TRABD2B: variants seen among roughly 807,000 people sequenced by gnomAD.
TRABD2B encodes metalloprotease TIKI2.
Under a neutral mutation model 40.1 loss-of-function variants are expected in TRABD2B, and 14 were observed. The observed-to-expected ratio is 0.35, with a 90% confidence interval of 0.23 to 0.55. The LOEUF is 0.55. TRABD2B is among the 20% of genes least tolerant of loss of function. The pLI, the probability that TRABD2B is intolerant of heterozygous loss-of-function variation, is 0.90. For missense variants in TRABD2B, 541 were observed against 648.6 expected (o/e 0.83, Z 1.80); for synonymous variants, 263 against 277.0 (o/e 0.95, Z 0.50).
rs540274500 is a variant in TRABD2B at position 47,944,233 on chromosome 1, G to A, written c.666+49801C>T. ...AGCAGGGGGAATGGCAGAAGAGTTG[G>A]ATCCAGCTAGGTCCTATGAAAAGAG... On this transcript the variant is annotated intron_variant, in intron 2 of 6. Transcript: ENST00000606738. Among the ~76,000 whole-genome samples the A allele has an allele frequency of 4.6e-4, 70 of 152,306 alleles. No individual in the cohort carries two copies. In the South Asian group the frequency reaches 7.3e-3, roughly 16 times the overall value.
intron 5 of TRABD2B, among the ~76,000 whole-genome samples, chr1:47,776,681 G>A (rs1330799773): frequency 5.9e-5 from 9 of 152,164 alleles, no homozygotes. Context: ...ATGGTTTCAG[G>A]AATTGTGGCT....
chr1:47,992,139 C>A (rs1038563168), intron 2 of TRABD2B, among the ~76,000 whole-genome samples: 1 of 152,272 alleles, frequency 6.6e-6, no homozygotes, highest in East Asian at 1.9e-4. Flanking sequence ...TTTTGAGGAG[C>A]TGGACCAAAG....
chr1:47,840,573 AGGCCT>A (rs1645382767), intron 2 of TRABD2B, among the ~76,000 whole-genome samples: 2 of 152,232 alleles, frequency 1.3e-5, no homozygotes, highest in Non-Finnish European at 1.5e-5. Flanking sequence ...AATTAATGAC[AGGCCT>A]GTCTTCAGGG....
rs768251114 is a variant in TRABD2B, at chr1:47,801,485, G to A, written c.801C>T (p.His267=). The A allele has an allele frequency of 6.4e-5, 98 of 1,536,010 alleles. No individual in the cohort carries two copies. Among genetic ancestry groups the A allele is most frequent in the Middle Eastern group, 1.7e-4 (1 of 5,990 alleles). The part of the protein sequence containing the change: ...CGDLSAVIFN[H]DTSQLPNFIN... Reference sequence around the variant, plus strand: ...AGAGGAGCCTCACCTGGGATGTGTCGTGGTTGAAGATGACTGCGCTGAGGT... The same window carrying A: ...AGAGGAGCCTCACCTGGGATGTGTCATGGTTGAAGATGACTGCGCTGAGGT... The change falls in exon 3 of 7, where the codon CAC becomes CAT. Residue 267 remains histidine (H), a synonymous_variant. Transcript: ENST00000606738.
chr1:47,839,174 G>T (rs1401414741), intron 2 of TRABD2B, among the ~76,000 whole-genome samples: 1 of 152,132 alleles, frequency 6.6e-6, no homozygotes, highest in African/African-American at 2.4e-5. Context: ...AATGGAGTAA[G>T]CGTTACCCGA....
chr1:47,925,910 T>C lies in TRABD2B; in HGVS notation c.666+68124A>G, dbSNP rs540511355. On this transcript the variant is annotated intron_variant, in intron 2 of 6. Coordinates refer to ENST00000606738, the MANE Select transcript of TRABD2B (RefSeq NM_001194986.2). ...AGGCTGGTATATATCTTCCTTTATT[T>C]ATATCTTTATTTTCTTTCAATACAT... Among the ~76,000 whole-genome samples, 31 of 152,354 alleles carry C rather than the reference T, an allele frequency of 2.0e-4. 1 individual carries two copies. In the South Asian group the frequency reaches 6.0e-3, roughly 30 times the overall value.
chr1:47,872,975 G>A (rs1266775747), intron 2 of TRABD2B, among the ~76,000 whole-genome samples: 1 of 152,178 alleles, frequency 6.6e-6, no homozygotes, highest in Non-Finnish European at 1.5e-5. Flanking sequence ...AGGCTGGGAA[G>A]TTTAGATCAA....
rs370700718 is a variant in TRABD2B, at chr1:47,859,831, T to A, written c.667-58212A>T. Among the ~76,000 whole-genome samples, 13 of 152,326 alleles carry A rather than the reference T, an allele frequency of 8.5e-5. No homozygotes were observed. The East Asian group carries it at 2.5e-3, about 29-fold the overall frequency. On this transcript the variant is annotated intron_variant, in intron 2 of 6. Coordinates refer to ENST00000606738, the MANE Select transcript of TRABD2B (RefSeq NM_001194986.2). ...AGGGCTGACGTCATTCTATTTTGTATAATAATGATCACTCCTCACATCGAC... is the reference window on the plus strand; with the variant it reads ...AGGGCTGACGTCATTCTATTTTGTAAAATAATGATCACTCCTCACATCGAC...
intron 2 of TRABD2B, among the ~76,000 whole-genome samples, chr1:47,929,965 C>T (rs1170099232): frequency 6.6e-6 from 1 of 152,198 alleles, no homozygotes; most frequent in Admixed American, 6.5e-5. Flanking sequence ...GAGGTGGTTA[C>T]GTGCATACCT....
chr1:47,881,910 G>A (rs897177864), intron 2 of TRABD2B, among the ~76,000 whole-genome samples: 2 of 152,188 alleles, frequency 1.3e-5, no homozygotes, highest in Non-Finnish European at 2.9e-5. Context: ...CTGCCTGTAT[G>A]TGGCCGTTCA....
rs376889046 is a variant in TRABD2B at position 47,839,573 on chromosome 1, C to T, written c.667-37954G>A. Among the ~76,000 whole-genome samples the T allele has an allele frequency of 6.6e-4, 101 of 152,280 alleles. 6 individuals carry two copies. In the South Asian group the frequency reaches 0.02, roughly 31 times the overall value. On this transcript the variant is annotated intron_variant, in intron 2 of 6. Transcript: ENST00000606738. Reference sequence around the variant, plus strand: ...TGCCATCCACGCTCCAGCCTGCAGCCAGAGGGAATTTATGAAATGCAAACT... The same window carrying T: ...TGCCATCCACGCTCCAGCCTGCAGCTAGAGGGAATTTATGAAATGCAAACT...
At chr1:47,825,352 T>G (rs1261020164) in intron 2 of TRABD2B, among the ~76,000 whole-genome samples, 1 of 152,182 alleles carries the variant, frequency 6.6e-6, no homozygotes, top group Non-Finnish European at 1.5e-5. Context: ...CTCCTTATCC[T>G]CCACAGCCTG....
chr1:47,940,091 A>T (rs1324718675), intron 2 of TRABD2B, among the ~76,000 whole-genome samples: 1 of 152,160 alleles, frequency 6.6e-6, no homozygotes, highest in Non-Finnish European at 1.5e-5. Context: ...CCTGGCCCTG[A>T]TCACCATGTG....
chr1:47,825,188 A>C (rs11211613), intron 2 of TRABD2B, among the ~76,000 whole-genome samples: 103,723 of 152,082 alleles, frequency 0.68, 35,691 homozygotes, highest in South Asian at 0.83. Flanking sequence ...TGGGGTCTCA[A>C]TAATTCTCAC....
chr1:47,899,268 C>G (rs1285676899), intron 2 of TRABD2B, among the ~76,000 whole-genome samples: 1 of 152,256 alleles, frequency 6.6e-6, no homozygotes, highest in Non-Finnish European at 1.5e-5. Context: ...GTGCCCTCAA[C>G]AACCTCCTAC....
At chr1:47,878,204 T>C (rs979701977) in intron 2 of TRABD2B, among the ~76,000 whole-genome samples, 12 of 151,976 alleles carry the variant, frequency 7.9e-5, no homozygotes, top group Non-Finnish European at 1.8e-4. Context: ...TAATCCCAGC[T>C]ACTTGGGTGG....
At chr1:47,960,208 C>T (rs1451352192) in intron 2 of TRABD2B, among the ~76,000 whole-genome samples, 4 of 152,236 alleles carry the variant, frequency 2.6e-5, no homozygotes, top group African/African-American at 9.6e-5. Flanking sequence ...ATTGATGGGA[C>T]GTATCTCAAA....
rs1385837147 is a variant in TRABD2B, at chr1:47,888,365, G to C, written c.667-86746C>G. Among the ~76,000 whole-genome samples, 7 of 152,314 alleles carry C rather than the reference G, an allele frequency of 4.6e-5. No individual in the cohort carries two copies. In the East Asian group the frequency reaches 7.7e-4, roughly 17 times the overall value. On this transcript the variant is annotated intron_variant, in intron 2 of 6. Transcript: ENST00000606738. ...TGGAGGGAGGCCCCTGCTTGGGTTTGAGGGCAGGGTTCTCATCTGCAGGTG... is the reference window on the plus strand; with the variant it reads ...TGGAGGGAGGCCCCTGCTTGGGTTTCAGGGCAGGGTTCTCATCTGCAGGTG...
chr1:47,826,409 T>C (rs1431718058), intron 2 of TRABD2B, among the ~76,000 whole-genome samples: 6 of 152,108 alleles, frequency 3.9e-5, no homozygotes, highest in African/African-American at 1.4e-4. Context: ...ATATATAATG[T>C]ATTTTACATA....
Sources: gnomAD v4.1 joint callset for allele counts (sites outside exome capture counted in the v4.1 genomes callset) on GRCh38, gnomAD v4.1.1 for gene constraint, MANE v1.5 for transcripts, NCBI Gene and HGNC (gene_info 2026-07-23, HGNC 2026-07-21) for gene names.